DNAJC1: variants seen among roughly 807,000 people sequenced by gnomAD.
DNAJC1 encodes dnaJ homolog subfamily C member 1.
A neutral mutation model predicts 76.6 loss-of-function variants in DNAJC1; 58 were observed. The observed-to-expected ratio is 0.76, with a 90% CI of 0.61 to 0.94. DNAJC1 has a LOEUF of 0.94. DNAJC1 is among the 40% of genes least tolerant of loss of function. DNAJC1 has a pLI of 0.00. For missense variants in DNAJC1, 689 were observed against 677.3 expected (o/e 1.02, Z -0.19); for synonymous variants, 258 against 267.9 (o/e 0.96, Z 0.36).
chr10:21,889,980 G>A (rs1456100118), intron 7 of DNAJC1, among the ~76,000 whole-genome samples: 1 of 152,230 alleles, frequency 6.6e-6, no homozygotes, highest in Non-Finnish European at 1.5e-5. Context: ...CCAGGGTGAT[G>A]TGAGAGAGAA....
chr10:21,774,010 G>C (rs1337298296), intron 9 of DNAJC1, among the ~76,000 whole-genome samples: 1 of 149,352 alleles, frequency 6.7e-6, no homozygotes, highest in Non-Finnish European at 1.5e-5. Context: ...GCGTAGTGGC[G>C]GGCGCCTGTA....
chr10:21,928,537 C>T lies in DNAJC1; in HGVS notation c.340G>A (p.Glu114Lys), dbSNP rs1209115215. ...CTTCGTTCATCATCCTTTAAAACTT[C>T]ATAAATGGCCACCAACTAAAATAAA... Reference protein sequence around the residue: ...TQFRQLVAIYEVLKDDERRQR... With the variant: ...TQFRQLVAIYKVLKDDERRQR... Residue 114 changes from glutamate (E) to lysine (K), a missense_variant, in exon 3 of 12, where the codon GAA (glutamate) becomes AAA (lysine). Glu to Lys is a moderately conservative substitution (Grantham distance 56). Transcript: ENST00000376980. 1 of 1,612,764 alleles carries T rather than the reference C, an allele frequency of 6.2e-7. No individual in the cohort carries two copies. The highest frequency in any genetic ancestry group is 1.7e-5 in the Admixed American group (1 of 59,998).
intron 8 of DNAJC1, among the ~76,000 whole-genome samples, chr10:21,879,441 C>T (rs187942660): frequency 1.2e-4 from 18 of 152,094 alleles, no homozygotes; most frequent in East Asian, 3.9e-4. Context: ...CTGGCCAACA[C>T]GGTGAAACCC....
intron 8 of DNAJC1, among the ~76,000 whole-genome samples, chr10:21,831,659 A>C (rs1406206115): frequency 6.6e-6 from 1 of 151,956 alleles, no homozygotes; most frequent in Non-Finnish European, 1.5e-5. Flanking sequence ...GCATGGTGGC[A>C]GGCGCCTGTA....
Position 21,854,371 on chromosome 10 carries a change from CTG to C in DNAJC1, c.978+27909_978+27910del, listed in dbSNP as rs1386099504. Among the ~76,000 whole-genome samples the C allele has an allele frequency of 9.8e-5, 13 of 133,074 alleles. No homozygotes were observed. In the East Asian group the frequency reaches 1.7e-3, roughly 17 times the overall value. 87.3% of individuals were successfully genotyped at this position (133,074 alleles called of 152,430 possible). A position where few individuals can be genotyped will look rare whatever the true frequency, so the allele number is the denominator to read the frequency against. On this transcript the variant is annotated intron_variant, in intron 8 of 11. Transcript: ENST00000376980. ...TCTTTAAAAAAAAAAAAAAAAAAAA[CTG>C]TTTCTCCATAGGTATAGTTGTATTT... is the stretch of plus-strand genomic sequence containing the variant.
chr10:21,953,698 T>C (rs1166395213), intron 1 of DNAJC1, among the ~76,000 whole-genome samples: 4 of 151,640 alleles, frequency 2.6e-5, no homozygotes, highest in Admixed American at 6.6e-5. Context: ...AATATTAAAA[T>C]GTCAGGGATT....
At position 22,003,429 on chromosome 10, in the gene DNAJC1, C is replaced by T. The variant is rs913018187; in HGVS notation, c.6G>A (p.Thr2=). The T allele has an allele frequency of 2.1e-5, 28 of 1,363,630 alleles. No individual in the cohort carries two copies. The East Asian group carries it at 8.1e-4, about 39-fold the overall frequency. The allele number at this position is 1,363,630 out of a possible 1,614,324, so 84.5% of individuals were successfully genotyped here. The change falls in exon 1 of 12, where the codon ACG becomes ACA. Residue 2 remains threonine, a synonymous_variant. Coordinates refer to ENST00000376980, the MANE Select transcript of DNAJC1 (RefSeq NM_022365.4). ...GCTGCGCCGGCTGGGAGCAAGGAGC[C>T]GTCATCGCGCTGGGCTCGGAAAGGT... is the stretch of plus-strand genomic sequence containing the variant. M[T]APCSQPAQLP... is the part of the protein sequence containing the mutation.
chr10:21,975,160 C>T (rs1304213336), intron 1 of DNAJC1, among the ~76,000 whole-genome samples: 5 of 151,960 alleles, frequency 3.3e-5, no homozygotes, highest in African/African-American at 4.8e-5. Flanking sequence ...TTAAATGTTA[C>T]TTTAAAATAG....
chr10:21,840,802 C>T (rs1835562690), intron 8 of DNAJC1, among the ~76,000 whole-genome samples: 1 of 152,144 alleles, frequency 6.6e-6, no homozygotes, highest in African/African-American at 2.4e-5. Flanking sequence ...CCAAGTCAAT[C>T]CTAAGCCAAA....
At chr10:21,861,652 A>G (rs2131698963) in intron 8 of DNAJC1, among the ~76,000 whole-genome samples, 1 of 152,096 alleles carries the variant, frequency 6.6e-6, no homozygotes, top group African/African-American at 2.4e-5. Flanking sequence ...CCGCCGGCCA[A>G]AACCCACCAA....
rs893393525 is a variant in DNAJC1, at chr10:21,759,155, T to C, written c.1596+15A>G. 17 of 1,606,270 alleles carry C rather than the reference T, an allele frequency of 1.1e-5. No individual in the cohort carries two copies. Among genetic ancestry groups the C allele is most frequent in the Non-Finnish European group, 1.4e-5 (17 of 1,175,870 alleles). On this transcript the variant is annotated intron_variant, in intron 11 of 11. Coordinates refer to ENST00000376980, the MANE Select transcript of DNAJC1 (RefSeq NM_022365.4). Reference sequence around the variant, plus strand: ...TTCTAACACCTGTGCAGAGGCCTCTTTCCCCATCACTCACCTTGCTCTTGG... The same window carrying C: ...TTCTAACACCTGTGCAGAGGCCTCTCTCCCCATCACTCACCTTGCTCTTGG...
chr10:21,982,719 A>T (rs1044135218), intron 1 of DNAJC1, among the ~76,000 whole-genome samples: 4 of 123,774 alleles, frequency 3.2e-5, no homozygotes, highest in African/African-American at 1.3e-4. Context: ...AGCTATCATA[A>T]AAAAAAAAAA....
intron 10 of DNAJC1, among the ~76,000 whole-genome samples, chr10:21,761,415 C>T (rs994567597): frequency 2.0e-5 from 3 of 151,764 alleles, no homozygotes; most frequent in Admixed American, 6.6e-5. Flanking sequence ...AAAAATTAGC[C>T]GGGTGTGGTG....
chr10:21,856,635 A>G (rs2131694356), intron 8 of DNAJC1, among the ~76,000 whole-genome samples: 1 of 152,262 alleles, frequency 6.6e-6, no homozygotes, highest in Admixed American at 6.5e-5. Context: ...CACTCATGGT[A>G]TATTCTAGAA....
At chr10:21,982,879 T>C (rs181234984) in intron 1 of DNAJC1, among the ~76,000 whole-genome samples, 3 of 152,166 alleles carry the variant, frequency 2.0e-5, no homozygotes, top group Non-Finnish European at 4.4e-5. Flanking sequence ...ATTGTGACCC[T>C]TTCTCTACAA....
chr10:21,880,206 G>C (rs527485075), intron 8 of DNAJC1, among the ~76,000 whole-genome samples: 141 of 152,270 alleles, frequency 9.3e-4, no homozygotes, highest in African/African-American at 3.4e-3. Context: ...TAGTTCTCTT[G>C]CTATTCACAC....
intron 9 of DNAJC1, among the ~76,000 whole-genome samples, chr10:21,793,965 A>T (rs1834722650): frequency 6.6e-6 from 1 of 151,172 alleles, no homozygotes; most frequent in African/African-American, 2.4e-5. Flanking sequence ...AATAAATAAA[A>T]ATGTAAATAA....
At chr10:21,923,687 T>C (rs1000131014) in intron 3 of DNAJC1, among the ~76,000 whole-genome samples, 3 of 151,892 alleles carry the variant, frequency 2.0e-5, no homozygotes, top group African/African-American at 4.8e-5. Flanking sequence ...ATCCAACATA[T>C]GGCCTAATGT....
chr10:21,865,090 A>C (rs527561732), intron 8 of DNAJC1, among the ~76,000 whole-genome samples: 1 of 152,282 alleles, frequency 6.6e-6, no homozygotes, highest in Non-Finnish European at 1.5e-5. Flanking sequence ...GATGTGGAGC[A>C]ATTGCACTTC....
Sources: gnomAD v4.1 joint callset for allele counts (sites outside exome capture counted in the v4.1 genomes callset) on GRCh38, gnomAD v4.1.1 for gene constraint, MANE v1.5 for transcripts, NCBI Gene and HGNC (gene_info 2026-07-23, HGNC 2026-07-21) for gene names.